The following RUVBL1 variants were observed in gnomAD, a reference collection of about 807,000 sequenced individuals.
RUVBL1 encodes RuvB like AAA ATPase 1, also known as ruvB-like 1.
Under a neutral mutation model 52.4 loss-of-function variants are expected in RUVBL1, and 4 were observed. The ratio of observed to expected loss-of-function variants is 0.08; its 90% CI spans 0.04 to 0.17. The LOEUF is 0.17. Ranked by LOEUF, RUVBL1 falls within the 10% of genes least tolerant of loss-of-function variation. RUVBL1 has a pLI of 1.00. For missense variants in RUVBL1, 298 were observed against 572.8 expected, an observed-to-expected ratio of 0.52 and a Z score of 4.90; for synonymous variants, 217 against 214.4, an observed-to-expected ratio of 1.01 and a Z score of -0.10.
At chr3:128,121,741 T>C (rs894553566) in intron 1 of RUVBL1, among the ~76,000 whole-genome samples, 2 of 145,448 alleles carry the variant, frequency 1.4e-5, no homozygotes, top group East Asian at 4.1e-4. Context: ...AAAACTACTA[T>C]GGTCTTTCCA....
At chr3:128,117,985 A>G (rs1385777766) in intron 2 of RUVBL1, among the ~76,000 whole-genome samples, 1 of 152,226 alleles carries the variant, frequency 6.6e-6, no homozygotes, top group Non-Finnish European at 1.5e-5. Flanking sequence ...ATATCTGTCA[A>G]CTGAATTATA....
At chr3:128,098,482 T>G (rs1455143954) in intron 7 of RUVBL1, among the ~76,000 whole-genome samples, 1 of 152,146 alleles carries the variant, frequency 6.6e-6, no homozygotes, top group East Asian at 1.9e-4. Flanking sequence ...GCAGCAGCAG[T>G]GTCCCCTGTG....
At chr3:128,146,288 ATG>A (rs1944101954) in intron 1 of RUVBL1, among the ~76,000 whole-genome samples, 1 of 151,954 alleles carries the variant, frequency 6.6e-6, no homozygotes, top group South Asian at 2.1e-4. Flanking sequence ...ATGTGTGTGT[ATG>A]TGTGTCTCTG....
chr3:128,110,278 C>G (rs1303436819), intron 3 of RUVBL1, among the ~76,000 whole-genome samples: 8 of 151,852 alleles, frequency 5.3e-5, no homozygotes, highest in Admixed American at 4.6e-4. Flanking sequence ...AGAGTAAGAC[C>G]CTGTCTCTAA....
At position 128,082,706 on chromosome 3, in the gene RUVBL1, C is replaced by T; in HGVS notation, c.1120-132G>A. The T allele has an allele frequency of 1.3e-6, 1 of 756,618 alleles. No homozygotes were observed. Among genetic ancestry groups the T allele is most frequent in the South Asian group, 1.8e-5 (1 of 54,412 alleles). 46.9% of individuals were successfully genotyped at this position (756,618 alleles called of 1,614,324 possible). On this transcript the variant is annotated intron_variant, in intron 9 of 10. Transcript: ENST00000322623. The surrounding 1 kb of genome is among the most constrained non-coding windows in gnomAD (Gnocchi z 4.7). ...AGAAACTGAGACCTGGGTTGGTGGG[C>T]AGGGAGCCAACGCCTGCCCAGCACT...
In RUVBL1 at chr3:128,067,966, C is replaced by T. The variant is rs2107652397; in HGVS notation, c.940-2746G>A. On this transcript the variant is annotated intron_variant, in intron 9 of 9. Coordinates refer to the RUVBL1 transcript ENST00000464873. This position sits in a 1 kb window ranked among gnomAD's most constrained non-coding sequence, Gnocchi z 4.1. The stretch of plus-strand genomic sequence containing the variant: ...TCAGCCTCCAATTCCAACTTCTCCC[C>T]TGTGGGCACCCTGCAGGTTGCAAAG... 2 of 1,612,372 alleles carry T rather than the reference C, an allele frequency of 1.2e-6. No individual in the cohort carries two copies. The highest frequency in any genetic ancestry group is 8.5e-7 in the Non-Finnish European group (1 of 1,178,590).
At position 128,067,499 on chromosome 3, in the gene RUVBL1, G is replaced by C; in HGVS notation, c.940-2279C>G. The C allele has an allele frequency of 6.2e-7, 1 of 1,614,144 alleles. No homozygotes were observed. The highest frequency in any genetic ancestry group is 1.3e-5 in the African/African-American group (1 of 75,030). ...TTACCTGTCCCCTCCAGAATCTTTT[G>C]GCTCCGTGTTAGAAGACCCGGTCCA... On this transcript the variant is annotated intron_variant, in intron 9 of 9. Transcript: ENST00000464873. This position sits in a 1 kb window ranked among gnomAD's most constrained non-coding sequence, Gnocchi z 4.1.
At chr3:128,087,595 G>A (rs1559808852) in intron 9 of RUVBL1, 111 bp downstream of exon 9, 1 of 743,484 alleles carries the variant, frequency 1.3e-6, no homozygotes, top group Non-Finnish European at 2.3e-6. Context: ...GCTAAGTGGT[G>A]AGATGGTGAA....
rs1241534259 is a variant in RUVBL1, at chr3:128,150,850, CTATAT to C, written c.-40+2348_-40+2352del. Among the ~76,000 whole-genome samples, 2 of 71,528 alleles carry C rather than the reference CTATAT, an allele frequency of 2.8e-5. 1 individual carries two copies. The highest frequency in any genetic ancestry group is 4.8e-5 in the Non-Finnish European group (2 of 41,650). The allele number at this position is 71,528 out of a possible 152,430, so 46.9% of individuals were successfully genotyped here. On this transcript the variant is annotated intron_variant, in intron 1 of 9. Transcript: ENST00000464873. ...ATATATTATATATTCTATATATATTCTATATATTATATATTATATATATATATTCT... is the reference window on the plus strand; with the variant it reads ...ATATATTATATATTCTATATATATTCATTATATATTATATATATATATTCT...
intron 9 of RUVBL1, among the ~76,000 whole-genome samples, chr3:128,085,374 C>A (rs1166920297): frequency 6.6e-6 from 1 of 152,166 alleles, no homozygotes; most frequent in South Asian, 2.1e-4. Context: ...TTTGGCAGGA[C>A]ACATGGGGTT....
chr3:128,152,239 G>A (rs766287608), intron 1 of RUVBL1, among the ~76,000 whole-genome samples: 15 of 152,182 alleles, frequency 9.9e-5, no homozygotes, highest in Non-Finnish European at 1.9e-4. Context: ...TCTAGCAAGA[G>A]CACATCACAA....
intron 1 of RUVBL1, among the ~76,000 whole-genome samples, chr3:128,121,169 C>T (rs938192465): frequency 6.6e-6 from 1 of 151,842 alleles, no homozygotes; most frequent in Non-Finnish European, 1.5e-5. Context: ...GATCTCAGCT[C>T]ACTGCAACCT....
chr3:128,113,917 T>C (rs1943456378), intron 2 of RUVBL1, among the ~76,000 whole-genome samples: 1 of 152,196 alleles, frequency 6.6e-6, no homozygotes. Context: ...GATTGTTCAT[T>C]TTATGTTATG....
In RUVBL1 at chr3:128,067,430, T is replaced by C. The variant is rs1942014542; in HGVS notation, c.940-2210A>G. On this transcript the variant is annotated intron_variant, in intron 9 of 9. Transcript: ENST00000464873. The surrounding 1 kb of genome is among the most constrained non-coding windows in gnomAD (Gnocchi z 4.1). The stretch of plus-strand genomic sequence containing the variant: ...GTTTCTTCTTCCCCAGGACACGTCT[T>C]CTGGGGGCCCAGCACGTGCTTATCC... The C allele has an allele frequency of 1.2e-6, 2 of 1,611,828 alleles. No homozygotes were observed. Among genetic ancestry groups the C allele is most frequent in the Non-Finnish European group, 1.7e-6 (2 of 1,179,298 alleles).
At chr3:128,128,474 C>T (rs1262399255), upstream of RUVBL1, among the ~76,000 whole-genome samples, 1 of 152,176 alleles carries the variant, frequency 6.6e-6, no homozygotes, top group Non-Finnish European at 1.5e-5. Context: ...CTGCCACTCC[C>T]CACACACATT....
intron 9 of RUVBL1, among the ~76,000 whole-genome samples, chr3:128,068,321 A>G (rs1177661822): frequency 6.6e-6 from 1 of 152,210 alleles, no homozygotes; most frequent in Non-Finnish European, 1.5e-5. Context: ...CGGATAGGAG[A>G]CAGTGCAGTA....
chr3:128,099,526 C>G (rs1263900531), intron 6 of RUVBL1, among the ~76,000 whole-genome samples: 1 of 152,218 alleles, frequency 6.6e-6, no homozygotes, highest in Non-Finnish European at 1.5e-5. Context: ...TTGCATCAGC[C>G]TAGTCCTTAC....
intron 8 of RUVBL1, among the ~76,000 whole-genome samples, chr3:128,093,104 T>C (rs924609580): frequency 1.3e-5 from 2 of 152,198 alleles, no homozygotes; most frequent in Non-Finnish European, 2.9e-5. Context: ...CAACCCAATG[T>C]CCATCAACTA....
chr3:128,130,248 C>T (rs898511371), intron 1 of RUVBL1, among the ~76,000 whole-genome samples: 7 of 151,744 alleles, frequency 4.6e-5, no homozygotes, highest in South Asian at 2.1e-4. Context: ...GGAATATAAG[C>T]GAATACTGTA....
Sources: gnomAD v4.1 joint callset for allele counts (sites outside exome capture counted in the v4.1 genomes callset) on GRCh38, gnomAD v4.1.1 for gene constraint, Gnocchi (gnomAD v3.1) non-coding constraint, MANE v1.5 for transcripts, NCBI Gene and HGNC (gene_info 2026-07-23, HGNC 2026-07-21) for gene names.